The following RNF19A variants were observed in gnomAD, a reference collection of about 807,000 sequenced individuals.
RNF19A encodes E3 ubiquitin-protein ligase RNF19A.
RNF19A carries 32 observed loss-of-function variants against 75.7 expected under a neutral mutation model. That is an observed-to-expected ratio of 0.42 (90% confidence interval 0.32 to 0.57). The LOEUF (loss-of-function observed/expected upper bound fraction) is 0.57. Among genes scored for constraint, RNF19A ranks in the 20% least tolerant of loss-of-function variants. RNF19A has a pLI of 0.10. For missense variants in RNF19A, 782 were observed against 1,036.3 expected (o/e 0.75, Z 3.37); for synonymous variants, 335 against 345.2 (o/e 0.97, Z 0.33).
intron 1 of RNF19A, chr8:100,309,294 T>A: frequency 2.0e-6 from 2 of 985,128 alleles, no homozygotes; most frequent in South Asian, 4.7e-5. Flanking sequence ...AGTCCCGGAC[T>A]AACCTTCCTC....
chr8:100,273,987 G>A (rs1820382698), intron 3 of RNF19A, among the ~76,000 whole-genome samples: 1 of 152,096 alleles, frequency 6.6e-6, no homozygotes, highest in South Asian at 2.1e-4. Flanking sequence ...GTTTCACCAT[G>A]TTGCCCAGGC....
At chr8:100,309,318 C>T (rs979508013) in intron 1 of RNF19A, 3 of 985,700 alleles carry the variant, frequency 3.0e-6, no homozygotes, top group Non-Finnish European at 3.6e-6. Context: ...ACACAGCTCC[C>T]CTCCCTAAGG....
In RNF19A at chr8:100,284,190, CACTT is replaced by C. The variant is rs1820913220; in HGVS notation, c.674+3307_674+3310del. ...TTGCTAGTAATAGCATTAAAGATCT[CACTT>C]AATCCTTATAACAACAAGATAGGAT... On this transcript the variant is annotated intron_variant, in intron 2 of 9. Transcript: ENST00000341084. This position sits in a 1 kb window ranked among gnomAD's most constrained non-coding sequence, Gnocchi z 4.3. 6.6e-6 allele frequency among the ~76,000 whole-genome samples: 1 copy of C among 152,070 alleles called. No homozygotes were observed. The highest frequency in any genetic ancestry group is 1.5e-5 in the Non-Finnish European group (1 of 67,982).
chr8:100,333,447 A>T lies in RNF19A; in HGVS notation c.-243+2661T>A, dbSNP rs6468711. Among the ~76,000 whole-genome samples, 73,941 of 152,134 alleles carry T rather than the reference A, an allele frequency of 0.49. 20,881 individuals are homozygous for T. The highest frequency in any genetic ancestry group is 0.79 in the African/African-American group (32,842 of 41,498). On this transcript the variant is annotated intron_variant, in intron 1 of 3. Coordinates refer to the RNF19A transcript ENST00000519527. The surrounding 1 kb of genome is among the most constrained non-coding windows in gnomAD (Gnocchi z 4.7). ...ACAAAGCTTAAAGCTATTAATGACA[A>T]GAGAAAATGCTCACACTATTATATT...
upstream of RNF19A, chr8:100,309,954 G>T (rs1822236077): frequency 7.1e-6 from 7 of 985,696 alleles, no homozygotes; most frequent in South Asian, 9.4e-5. Context: ...GAGGAAGCGC[G>T]GGGGAGGGTC....
upstream of RNF19A, chr8:100,310,412 A>G (rs1003612246): frequency 3.5e-5 from 8 of 226,596 alleles, no homozygotes; most frequent in Admixed American, 6.5e-5. Flanking sequence ...TCCGTGGCCC[A>G]GAGAGCGTCT....
upstream of RNF19A, chr8:100,313,355 T>A: frequency 4.1e-6 from 4 of 981,882 alleles, no homozygotes; most frequent in Non-Finnish European, 4.8e-6. Context: ...TCAATTCTTC[T>A]GACATTTGAG....
In RNF19A at chr8:100,317,127, G is replaced by A. The variant is rs929034809; in HGVS notation, c.-242-3755C>T. ...CCGGAACTCCAGCTGGCCCGCAAGC[G>A]CCGCACGCAGCCCAGCCCGGGTTCC... On this transcript the variant is annotated intron_variant, in intron 1 of 3. Transcript: ENST00000519527. The surrounding 1 kb of genome is among the most constrained non-coding windows in gnomAD (Gnocchi z 4.3). 2.0e-5 allele frequency among the ~76,000 whole-genome samples: 3 copies of A among 151,264 alleles called. No individual in the cohort carries two copies. Among genetic ancestry groups the A allele is most frequent in the Non-Finnish European group, 3.0e-5 (2 of 67,702 alleles).
rs1821120698 is a variant in RNF19A, at chr8:100,288,157, T to A, written c.18A>T (p.Ile6=). The change falls in exon 2 of 10, where the codon ATA becomes ATT. Residue 6 remains isoleucine (I), a synonymous_variant. Coordinates refer to ENST00000341084, the MANE Select transcript of RNF19A (RefSeq NM_183419.4). ...CTTCATTATATTTAGAGATAAAACC[T>A]ATTTCTTGTTCTTGCATTCACATTA... MQEQE[I]GFISKYNEGL... is the part of the protein sequence containing the mutation. The A allele has an allele frequency of 1.2e-6, 2 of 1,603,388 alleles. No individual in the cohort carries two copies. Among genetic ancestry groups the A allele is most frequent in the Non-Finnish European group, 1.7e-6 (2 of 1,174,046 alleles).
At chr8:100,295,561 G>A (rs73282737) in intron 1 of RNF19A, among the ~76,000 whole-genome samples, 1,599 of 152,094 alleles carry the variant, frequency 0.011, 23 homozygotes, top group African/African-American at 0.036. Context: ...CGTTCCTAAG[G>A]CAATGAAAAA....
intron 1 of RNF19A, chr8:100,303,509 T>C (rs1218388903): frequency 2.0e-5 from 3 of 152,214 alleles, no homozygotes; most frequent in Non-Finnish European, 4.4e-5. Flanking sequence ...GACATGAACA[T>C]ATCTTTTGTG....
rs189516955 is a variant in RNF19A, at chr8:100,331,506, A to G, written c.-243+4602T>C. On this transcript the variant is annotated intron_variant, in intron 1 of 3. Transcript: ENST00000519527. The surrounding 1 kb of genome is among the most constrained non-coding windows in gnomAD (Gnocchi z 5.2). Reference sequence around the variant, plus strand: ...TTAAAAAGTAGCTGGGCATGGTGGCATGCACCAGCAGTCCCAGCTACTCGG... The same window carrying G: ...TTAAAAAGTAGCTGGGCATGGTGGCGTGCACCAGCAGTCCCAGCTACTCGG... 1.3e-5 allele frequency among the ~76,000 whole-genome samples: 2 copies of G among 152,040 alleles called. No individual in the cohort carries two copies. The highest frequency in any genetic ancestry group is 2.9e-5 in the Non-Finnish European group (2 of 67,968).
At chr8:100,316,205 T>C (rs2130315914) in intron 1 of RNF19A, among the ~76,000 whole-genome samples, 1 of 152,256 alleles carries the variant, frequency 6.6e-6, no homozygotes, top group South Asian at 2.1e-4. Context: ...AGTGGGCTTG[T>C]GGTCTCGCTG....
At chr8:100,282,379 T>A (rs550370867) in intron 2 of RNF19A, among the ~76,000 whole-genome samples, 1 of 152,158 alleles carries the variant, frequency 6.6e-6, no homozygotes, top group Non-Finnish European at 1.5e-5. Flanking sequence ...ACATAGAAAA[T>A]GTGATTTTTA....
intron 4 of RNF19A, 48 bp from the exon 5 acceptor site, chr8:100,268,995 T>C (rs774101615): frequency 2.7e-6 from 4 of 1,464,440 alleles, no homozygotes; most frequent in Non-Finnish European, 3.7e-6. Flanking sequence ...AACACCACAA[T>C]AACAAATTAG....
chr8:100,311,724 A>G (rs76195982), upstream of RNF19A, among the ~76,000 whole-genome samples: 2 of 148,394 alleles, frequency 1.3e-5, no homozygotes, highest in African/African-American at 5.1e-5. Flanking sequence ...TCTCAAAAAA[A>G]AAAAAAAAAA....
upstream of RNF19A, among the ~76,000 whole-genome samples, chr8:100,311,733 AAAAAAAG>A (rs1329900339): frequency 2.7e-5 from 4 of 148,986 alleles, no homozygotes; most frequent in African/African-American, 7.7e-5. Context: ...AAAAAAAAAA[AAAAAAAG>A]AAAAGAAAAT....
chr8:100,289,056 T>C (rs1821169377), intron 1 of RNF19A, among the ~76,000 whole-genome samples: 2 of 106,334 alleles, frequency 1.9e-5, no homozygotes, highest in Admixed American at 9.7e-5. Context: ...CGAGACTCCA[T>C]CTCAAAAAAA....
chr8:100,266,876 AAT>A (rs1439472286), intron 5 of RNF19A, among the ~76,000 whole-genome samples: 1 of 152,204 alleles, frequency 6.6e-6, no homozygotes, highest in Non-Finnish European at 1.5e-5. Context: ...GTGACTTATA[AAT>A]ATGTTTGTCA....
Sources: allele counts gnomAD v4.1 joint callset (sites outside exome capture counted in the v4.1 genomes callset), GRCh38; gene constraint gnomAD v4.1.1; non-coding constraint Gnocchi (gnomAD v3.1); transcripts MANE v1.5; gene names NCBI Gene and HGNC (gene_info 2026-07-23, HGNC 2026-07-21).